EP400: variants seen among roughly 807,000 people sequenced by gnomAD.
EP400 encodes E1A-binding protein p400.
A neutral mutation model predicts 354.1 loss-of-function variants in EP400; 105 were observed. That is an observed-to-expected ratio of 0.30 (90% CI 0.25 to 0.35). EP400 has a LOEUF of 0.35. Among genes scored for constraint, EP400 ranks in the 10% least tolerant of loss-of-function variants. The pLI, the probability that EP400 is intolerant of heterozygous loss-of-function variation, is 1.00. For missense variants in EP400, 3,280 were observed against 4,121.0 expected, an observed-to-expected ratio of 0.80 and a Z score of 5.59; for synonymous variants, 1,646 against 1,716.9, an observed-to-expected ratio of 0.96 and a Z score of 1.02.
chr12:132,062,060 C>CT, intron 45 of EP400, 50 bp from the exon 46 acceptor site: 2 of 1,548,144 alleles, frequency 1.3e-6, no homozygotes, highest in South Asian at 2.2e-5. Context: ...GTGAACAGCC[C>CT]TGAGTGCTGT....
intron 48 of EP400, chr12:132,065,111 C>T (rs1895846628): frequency 2.5e-6 from 2 of 806,874 alleles, no homozygotes; most frequent in Non-Finnish European, 3.8e-6. Context: ...CCAAGCTTCT[C>T]AGGGCTTGAA....
Position 132,054,805 on chromosome 12 carries a change from CAG to C in EP400, c.7729-166_7729-165del, listed in dbSNP as rs1593377523. On this transcript the variant is annotated intron_variant, in intron 43 of 52. Coordinates refer to ENST00000389561, the MANE Select transcript of EP400 (RefSeq NM_015409.5). The surrounding 1 kb of genome is among the most constrained non-coding windows in gnomAD (Gnocchi z 4.0). ...TAGGGGTGGAGGGACAGCAGGTAGA[CAG>C]AGGGTGGGGGCACCGCCAGGTGGAA... Among the ~76,000 whole-genome samples, 1 of 151,522 alleles carries C rather than the reference CAG, an allele frequency of 6.6e-6. No individual in the cohort carries two copies. Among genetic ancestry groups the C allele is most frequent in the Non-Finnish European group, 1.5e-5 (1 of 67,898 alleles).
At chr12:132,014,086 C>T (rs1269551196) in intron 19 of EP400, among the ~76,000 whole-genome samples, 173 bp downstream of exon 19, 2 of 152,250 alleles carry the variant, frequency 1.3e-5, no homozygotes, top group African/African-American at 4.8e-5. Flanking sequence ...GTGTTTCCAG[C>T]TGTTTCAGGC....
intron 51 of EP400, among the ~76,000 whole-genome samples, chr12:132,074,486 C>T (rs775204021): frequency 5.9e-5 from 9 of 151,834 alleles, no homozygotes; most frequent in East Asian, 1.9e-4. Context: ...TGCCTGTTAT[C>T]GAGACGTTGT....
Position 131,961,873 on chromosome 12 carries a change from TAGGC to T in EP400, c.1257_1260del (p.Gln420MetfsTer34). On this transcript the variant is annotated frameshift_variant, in exon 2 of 53. Coordinates refer to ENST00000389561, the MANE Select transcript of EP400 (RefSeq NM_015409.5). LOFTEE classifies it high-confidence loss of function. Reference sequence around the variant, plus strand: ...ATTATGCCCCATTACAAGCATATCTTAGGCAGAATGATTTGGACATTGAAGAAGA... The same window carrying T: ...ATTATGCCCCATTACAAGCATATCTTAGAATGATTTGGACATTGAAGAAGA... 6.2e-7 allele frequency: 1 copy of T among 1,614,176 alleles called. No homozygotes were observed.
At chr12:132,030,650 G>A (rs572129735) in intron 29 of EP400, among the ~76,000 whole-genome samples, 1 of 152,358 alleles carries the variant, frequency 6.6e-6, no homozygotes, top group South Asian at 2.1e-4. Flanking sequence ...AGTGATGTAT[G>A]CTTGACCTAG....
intron 51 of EP400, among the ~76,000 whole-genome samples, chr12:132,071,642 G>T (rs904272050): frequency 2.0e-5 from 3 of 151,994 alleles, no homozygotes; most frequent in Admixed American, 2.0e-4. Context: ...TTTGCCATCC[G>T]TCCCCCAGGA....
At chr12:132,051,452 C>G (rs576232975) in intron 41 of EP400, among the ~76,000 whole-genome samples, 27 of 152,332 alleles carry the variant, frequency 1.8e-4, no homozygotes, top group African/African-American at 5.8e-4. Flanking sequence ...ATACAAGACT[C>G]AGGCAGGACA....
At chr12:132,066,480 C>T (rs1016579912) in intron 48 of EP400, 5 of 368,140 alleles carry the variant, frequency 1.4e-5, no homozygotes, top group African/African-American at 1.1e-4. Context: ...GTTACTGGTT[C>T]AGGAGATGGA....
At chr12:131,978,062 G>C (rs1892543986) in intron 2 of EP400, among the ~76,000 whole-genome samples, 1 of 152,362 alleles carries the variant, frequency 6.6e-6, no homozygotes, top group Middle Eastern at 3.4e-3. Flanking sequence ...ATGGTGACCA[G>C]ATGGAAAAGG....
At chr12:131,996,524 C>G (rs1290892705) in intron 12 of EP400, among the ~76,000 whole-genome samples, 3 of 152,086 alleles carry the variant, frequency 2.0e-5, no homozygotes, top group Non-Finnish European at 4.4e-5. Context: ...ATCTCCTGAC[C>G]TCATGATCCA....
intron 14 of EP400, 69 bp from the exon 15 acceptor site, chr12:132,006,631 C>A: frequency 6.9e-7 from 1 of 1,453,740 alleles, no homozygotes; most frequent in Non-Finnish European, 9.3e-7. Flanking sequence ...CTGTTGATTT[C>A]AGTTTTGAGA....
chr12:131,954,951 A>G (rs1891644438), intron 1 of EP400, among the ~76,000 whole-genome samples: 1 of 152,156 alleles, frequency 6.6e-6, no homozygotes, highest in Admixed American at 6.6e-5. Context: ...TGAACCTGGA[A>G]GGCAGAGGTT....
At position 132,045,087 on chromosome 12, in the gene EP400, C is replaced by G. The variant is rs117008738; in HGVS notation, c.6784+134C>G. ...CAGGGCTAGCGATCACACGCCCATC[C>G]GCTGCCTCTCAGGCCATGTGCACAG... is the stretch of plus-strand genomic sequence containing the variant. On this transcript the variant is annotated intron_variant, in intron 37 of 52. Transcript: ENST00000389561. 12,678 of 1,388,174 alleles carry G rather than the reference C, an allele frequency of 9.1e-3. 346 individuals carry two copies. The highest frequency in any genetic ancestry group is 0.082 in the South Asian group (5,848 of 71,604). 86.0% of individuals were successfully genotyped at this position (1,388,174 alleles called of 1,614,324 possible).
At chr12:132,048,813 G>A (rs1218694238) in intron 39 of EP400, among the ~76,000 whole-genome samples, 2 of 152,334 alleles carry the variant, frequency 1.3e-5, no homozygotes, top group South Asian at 4.1e-4. Context: ...GCCTCCCAAA[G>A]TGTTGGGATT....
intron 1 of EP400, among the ~76,000 whole-genome samples, chr12:131,958,304 G>C (rs1891770705): frequency 6.6e-6 from 1 of 152,172 alleles, no homozygotes; most frequent in Non-Finnish European, 1.5e-5. Context: ...GGAGGGGCAT[G>C]CTCTTGGGTG....
intron 32 of EP400, among the ~76,000 whole-genome samples, chr12:132,041,919 T>A (rs953563817): frequency 1.3e-5 from 2 of 152,094 alleles, no homozygotes; most frequent in African/African-American, 4.8e-5. Flanking sequence ...CAATTTTTTT[T>A]AAATTGGATT....
chr12:132,023,142 T>G (rs1289095616), intron 23 of EP400, among the ~76,000 whole-genome samples: 1 of 151,408 alleles, frequency 6.6e-6, no homozygotes, highest in East Asian at 1.9e-4. Context: ...GCTTTTTTTT[T>G]TTTTTTGGAG....
chr12:131,950,784 C>G (rs1891447771), intron 1 of EP400, among the ~76,000 whole-genome samples: 1 of 152,254 alleles, frequency 6.6e-6, no homozygotes, highest in Non-Finnish European at 1.5e-5. Flanking sequence ...GACGGGGTCT[C>G]GCTCTGTTGC....
Sources: allele counts gnomAD v4.1 joint callset (sites outside exome capture counted in the v4.1 genomes callset), GRCh38; gene constraint gnomAD v4.1.1; non-coding constraint Gnocchi (gnomAD v3.1); transcripts MANE v1.5; gene names NCBI Gene and HGNC (gene_info 2026-07-23, HGNC 2026-07-21).